Variants in AK4 observed in about 807,000 individuals in gnomAD.
AK4 encodes the protein adenylate kinase 4, mitochondrial.
Under a neutral mutation model 24.6 loss-of-function variants are expected in AK4, and 13 were observed. That is an observed-to-expected ratio of 0.53 (90% CI 0.34 to 0.84). The LOEUF is 0.84. AK4 is among the 40% of genes least tolerant of loss of function. AK4 has a pLI of 0.01. For missense variants in AK4, 192 were observed against 288.2 expected, an observed-to-expected ratio of 0.67 and a Z score of 2.42; for synonymous variants, 88 against 107.0, an observed-to-expected ratio of 0.82 and a Z score of 1.10.
intron 3 of AK4, among the ~76,000 whole-genome samples, chr1:65,224,283 G>A (rs1013344578): frequency 6.6e-6 from 1 of 152,100 alleles, no homozygotes; most frequent in Non-Finnish European, 1.5e-5. Flanking sequence ...TGGAAAGCTG[G>A]CAGAGATGGT....
At chr1:65,148,621 G>A in intron 1 of AK4, 69 bp downstream of exon 1, 1 of 1,456,228 alleles carries the variant, frequency 6.9e-7, no homozygotes. Flanking sequence ...TGGAGGGACT[G>A]GGGCTCCCGG....
intron 2 of AK4, among the ~76,000 whole-genome samples, chr1:65,214,174 C>T (rs986158277): frequency 5.3e-5 from 8 of 152,152 alleles, no homozygotes; most frequent in East Asian, 1.9e-4. Flanking sequence ...TGTAGTGGCA[C>T]GATCTCGGCT....
rs539066237 is a variant in AK4, at chr1:65,185,980, A to G, written c.146-4730A>G. ...TCATACCTCTTTTCAAAAGGTTGCT[A>G]TCTGGTGAGGTTGGGCCATATTTGA... is the stretch of plus-strand genomic sequence containing the variant. On this transcript the variant is annotated intron_variant, in intron 1 of 4. Coordinates refer to ENST00000327299, the MANE Select transcript of AK4 (RefSeq NM_013410.4). 1.5e-3 allele frequency among the ~76,000 whole-genome samples: 221 copies of G among 152,026 alleles called. 1 individual carries two copies. The highest frequency in any genetic ancestry group is 2.8e-3 in the Non-Finnish European group (190 of 68,024).
intron 4 of AK4, among the ~76,000 whole-genome samples, chr1:65,225,218 A>G (rs1360098587): frequency 3.3e-5 from 5 of 152,296 alleles, no homozygotes; most frequent in African/African-American, 7.2e-5. Flanking sequence ...TATGGTTTGG[A>G]TAGAAGATTA....
chr1:65,181,967 G>T (rs1313767158), intron 1 of AK4, among the ~76,000 whole-genome samples: 1 of 152,150 alleles, frequency 6.6e-6, no homozygotes, highest in African/African-American at 2.4e-5. Flanking sequence ...CCAGGCTGGA[G>T]TGCAGTGGCG....
In AK4 at chr1:65,226,129, A is replaced by G. The variant is rs1191327433; in HGVS notation, c.624A>G (p.Thr208=). 6.2e-7 allele frequency: 1 copy of G among 1,611,116 alleles called. No homozygotes were observed. The highest frequency in any genetic ancestry group is 2.2e-5 in the East Asian group (1 of 44,874). ...ETNKIWPYVY[T]LFSNKITPIQ... is the part of the protein sequence containing the mutation. ...ACAAAATCTGGCCCTACGTTTACAC[A>G]CTTTTCTCAAACAAGATCACACCTA... Residue 208 remains threonine (T), a synonymous_variant, in exon 5 of 5, where the codon ACA becomes ACG. Transcript: ENST00000327299.
chr1:65,149,860 A>T (rs1649707235), intron 1 of AK4, among the ~76,000 whole-genome samples: 2 of 152,038 alleles, frequency 1.3e-5, no homozygotes, highest in Non-Finnish European at 2.9e-5. Flanking sequence ...GCCTATTTTG[A>T]TTTTAATACA....
At chr1:65,196,001 A>G (rs1240369731) in intron 2 of AK4, among the ~76,000 whole-genome samples, 1 of 152,120 alleles carries the variant, frequency 6.6e-6, no homozygotes, top group Admixed American at 6.5e-5. Flanking sequence ...CATCCTCCCA[A>G]GTGATTTGGT....
intron 1 of AK4, among the ~76,000 whole-genome samples, chr1:65,164,325 C>A (rs1298577506): frequency 1.3e-5 from 2 of 152,112 alleles, no homozygotes; most frequent in Non-Finnish European, 2.9e-5. Context: ...ATAATTTCCT[C>A]AGTTATAATT....
upstream of AK4, chr1:65,148,194 G>A: frequency 2.0e-6 from 2 of 1,018,744 alleles, no homozygotes; most frequent in Non-Finnish European, 2.7e-6. Flanking sequence ...GAGGTGTAGC[G>A]TGGCGCTCAG....
chr1:65,178,114 G>C (rs953209451), intron 1 of AK4, among the ~76,000 whole-genome samples: 1 of 152,106 alleles, frequency 6.6e-6, no homozygotes, highest in African/African-American at 2.4e-5. Context: ...CTGTGGATGG[G>C]AAGGTGGAAG....
chr1:65,149,033 G>C lies in AK4; in HGVS notation c.145+481G>C, dbSNP rs576897567. 2.7e-3 allele frequency: 418 copies of C among 152,578 alleles called. 4 individuals carry two copies. The highest frequency in any genetic ancestry group is 3.4e-3 in the Middle Eastern group (1 of 296). 9.5% of individuals were successfully genotyped at this position (152,578 alleles called of 1,614,324 possible). On this transcript the variant is annotated intron_variant, in intron 1 of 4. Coordinates refer to ENST00000327299, the MANE Select transcript of AK4 (RefSeq NM_013410.4). ...GCGCGCCGGGGAACCTGTGGCGCCGGGGGGCTCGCAGCCTCGCGCCTCTCC... is the reference window on the plus strand; with the variant it reads ...GCGCGCCGGGGAACCTGTGGCGCCGCGGGGCTCGCAGCCTCGCGCCTCTCC...
At position 65,148,220 on chromosome 1, in the gene AK4, G is replaced by A; in HGVS notation, c.-188G>A. ...TGGCGCTCAGTCCGCCTGCTACTCG[G>A]TCCCGGCGCTGGGCTGAGGGGAGGG... is the stretch of plus-strand genomic sequence containing the variant. On this transcript the variant is annotated 5_prime_UTR_variant, in exon 1 of 5. Transcript: ENST00000327299. 8.2e-7 allele frequency: 1 copy of A among 1,225,360 alleles called. No homozygotes were observed. The highest frequency in any genetic ancestry group is 1.1e-6 in the Non-Finnish European group (1 of 918,376). The allele number at this position is 1,225,360 out of a possible 1,614,324, so 75.9% of individuals were successfully genotyped here. A position where few individuals can be genotyped will look rare whatever the true frequency, so the allele number is the denominator to read the frequency against.
chr1:65,174,871 TGA>T (rs1334915131), intron 1 of AK4, among the ~76,000 whole-genome samples: 3 of 152,210 alleles, frequency 2.0e-5, no homozygotes, highest in African/African-American at 7.2e-5. Context: ...AAGAATTAAT[TGA>T]GATAATACGT....
At chr1:65,225,942 C>A in intron 4 of AK4, 121 bp from the exon 5 acceptor site, 2 of 1,031,824 alleles carry the variant, frequency 1.9e-6, no homozygotes, top group Non-Finnish European at 2.8e-6. Context: ...GCTGTTTTAG[C>A]ACTTAGTGTG....
chr1:65,147,903 A>C (rs1649616482), upstream of AK4: 1 of 153,880 alleles, frequency 6.5e-6, no homozygotes, highest in Non-Finnish European at 1.4e-5. Flanking sequence ...CTCAGCCCCT[A>C]GGCCGCCCGG....
intron 2 of AK4, among the ~76,000 whole-genome samples, chr1:65,197,670 A>C (rs1014740353): frequency 2.0e-5 from 3 of 152,192 alleles, no homozygotes; most frequent in African/African-American, 7.2e-5. Context: ...CTGGCTACGC[A>C]CTCACTTAGA....
intron 1 of AK4, among the ~76,000 whole-genome samples, chr1:65,177,325 TA>T (rs1347319688): frequency 6.6e-6 from 1 of 152,184 alleles, no homozygotes; most frequent in Non-Finnish European, 1.5e-5. Flanking sequence ...TTCAAAGTTT[TA>T]AAAATTATAT....
intron 1 of AK4, among the ~76,000 whole-genome samples, chr1:65,174,851 C>T (rs1269513583): frequency 5.3e-5 from 8 of 152,166 alleles, no homozygotes; most frequent in East Asian, 1.9e-4. Context: ...CTACTTCATA[C>T]GGTTGTTGTA....
Sources: allele counts gnomAD v4.1 joint callset (sites outside exome capture counted in the v4.1 genomes callset), GRCh38; gene constraint gnomAD v4.1.1; transcripts MANE v1.5; gene names NCBI Gene and HGNC (gene_info 2026-07-23, HGNC 2026-07-21).